SDK1: variants seen among roughly 807,000 people sequenced by gnomAD.
SDK1 encodes the protein sidekick cell adhesion molecule 1.
In SDK1, 157 loss-of-function variants were observed where a neutral mutation model predicts 245.5. The ratio of observed to expected loss-of-function variants is 0.64; its 90% CI spans 0.56 to 0.73. The LOEUF (loss-of-function observed/expected upper bound fraction) is 0.73. Ranked by LOEUF, SDK1 falls within the 30% of genes least tolerant of loss-of-function variation. The pLI is 0.00. For synonymous variants in SDK1, 1,647 were observed against 1,278.5 expected, an observed-to-expected ratio of 1.29 and a Z score of -6.15; for missense variants, 3,583 against 3,002.3, an observed-to-expected ratio of 1.19 and a Z score of -4.52.
intron 4 of SDK1, among the ~76,000 whole-genome samples, chr7:3,775,945 A>G (rs1780545344): frequency 6.6e-6 from 1 of 152,240 alleles, no homozygotes; most frequent in African/African-American, 2.4e-5. Flanking sequence ...GTTTGTGACC[A>G]GTATTTGCAC....
intron 1 of SDK1, among the ~76,000 whole-genome samples, chr7:3,513,409 C>T (rs979564496): frequency 7.9e-5 from 12 of 152,056 alleles, no homozygotes; most frequent in Non-Finnish European, 1.6e-4. Flanking sequence ...AACAAAATCC[C>T]TTAATTAAGG....
intron 1 of SDK1, among the ~76,000 whole-genome samples, chr7:3,469,404 C>T (rs1225166005): frequency 6.6e-6 from 1 of 152,134 alleles, no homozygotes; most frequent in Non-Finnish European, 1.5e-5. Context: ...GTACTCCAGC[C>T]TGGGTGACAG....
chr7:3,951,408 C>G (rs1019132281), intron 6 of SDK1, among the ~76,000 whole-genome samples: 1 of 152,208 alleles, frequency 6.6e-6, no homozygotes, highest in East Asian at 1.9e-4. Flanking sequence ...TCGGATGATC[C>G]CGCCTTCCAT....
At chr7:3,339,141 A>G (rs1336569078) in intron 1 of SDK1, among the ~76,000 whole-genome samples, 1 of 151,880 alleles carries the variant, frequency 6.6e-6, no homozygotes, top group African/African-American at 2.4e-5. Flanking sequence ...AATTTAAACA[A>G]GAGTGGCCAT....
intron 28 of SDK1, among the ~76,000 whole-genome samples, chr7:4,137,688 C>T (rs1013782734): frequency 4.6e-5 from 7 of 152,192 alleles, no homozygotes; most frequent in African/African-American, 7.2e-5. Context: ...CAGGGCTCCT[C>T]GTAAGCCGCA....
intron 1 of SDK1, among the ~76,000 whole-genome samples, chr7:3,452,260 C>T (rs1780537345): frequency 6.6e-6 from 1 of 152,126 alleles, no homozygotes; most frequent in Non-Finnish European, 1.5e-5. Flanking sequence ...TAGGATGGTG[C>T]TAGATACCCC....
At chr7:3,852,632 T>C (rs1780446076) in intron 5 of SDK1, among the ~76,000 whole-genome samples, 1 of 149,790 alleles carries the variant, frequency 6.7e-6, no homozygotes, top group South Asian at 2.1e-4. Flanking sequence ...GCACCTGTAG[T>C]CCCAGCTACT....
chr7:3,559,162 T>G (rs1185761424), intron 1 of SDK1, among the ~76,000 whole-genome samples: 1 of 152,200 alleles, frequency 6.6e-6, no homozygotes, highest in Non-Finnish European at 1.5e-5. Flanking sequence ...ATAGATATTA[T>G]ATAATATGTT....
chr7:4,224,432 A>G (rs1785307126), intron 40 of SDK1, among the ~76,000 whole-genome samples: 1 of 152,100 alleles, frequency 6.6e-6, no homozygotes, highest in Non-Finnish European at 1.5e-5. Flanking sequence ...ACCAGGTCTC[A>G]TGAGAACTCA....
intron 20 of SDK1, among the ~76,000 whole-genome samples, chr7:4,070,898 G>A (rs113490008): frequency 0.087 from 13,163 of 150,536 alleles, 1,248 homozygotes; most frequent in African/African-American, 0.23. Context: ...TTTAGTGAAG[G>A]CGGGGGTTTC....
chr7:3,933,914 G>T (rs564046016), intron 5 of SDK1, among the ~76,000 whole-genome samples: 2 of 152,122 alleles, frequency 1.3e-5, no homozygotes, highest in Non-Finnish European at 2.9e-5. Flanking sequence ...AAAGGTTGGC[G>T]CTTGGTTCTG....
intron 4 of SDK1, among the ~76,000 whole-genome samples, chr7:3,790,529 C>A (rs957882655): frequency 1.3e-5 from 2 of 152,098 alleles, no homozygotes; most frequent in African/African-American, 4.8e-5. Flanking sequence ...TAACAGTCGG[C>A]CAGGCGTGGT....
intron 35 of SDK1, 114 bp from the exon 36 acceptor site, chr7:4,205,765 C>A: frequency 1.2e-6 from 1 of 850,890 alleles, no homozygotes; most frequent in Non-Finnish European, 1.9e-6. Context: ...AAGAATCTCT[C>A]ACATGGTTCC....
At chr7:3,718,219 G>C (rs1008093879) in intron 4 of SDK1, among the ~76,000 whole-genome samples, 3 of 152,116 alleles carry the variant, frequency 2.0e-5, no homozygotes, top group African/African-American at 7.2e-5. Flanking sequence ...CCAACACTCA[G>C]CTGGTTGCGG....
At chr7:3,824,978 C>G (rs890594563) in intron 5 of SDK1, among the ~76,000 whole-genome samples, 1 of 152,130 alleles carries the variant, frequency 6.6e-6, no homozygotes, top group Non-Finnish European at 1.5e-5. Flanking sequence ...GAACTCTCCA[C>G]CCCGCTGCCC....
intron 10 of SDK1, among the ~76,000 whole-genome samples, chr7:3,968,697 G>T (rs914186925): frequency 6.6e-6 from 1 of 152,170 alleles, no homozygotes; most frequent in African/African-American, 2.4e-5. Context: ...TCTAAATATT[G>T]AGCAAGTAGG....
intron 1 of SDK1, among the ~76,000 whole-genome samples, chr7:3,416,219 T>C (rs1197068219): frequency 6.6e-6 from 1 of 152,166 alleles, no homozygotes; most frequent in Non-Finnish European, 1.5e-5. Flanking sequence ...GCTTAGGTAG[T>C]TGTAGAAAGA....
intron 1 of SDK1, among the ~76,000 whole-genome samples, chr7:3,464,872 A>G (rs1780945174): frequency 6.6e-6 from 1 of 152,130 alleles, no homozygotes. Flanking sequence ...TACATGTTAA[A>G]TTTGTCCTTG....
rs55654163 is a variant in SDK1 at position 4,138,748 on chromosome 7, CA to C, written c.4228+6337del. ...GGGCAACAATAGTGAAACTCTGTCT[CA>C]AAAAAAAAAAAGAGAGAGAAAGAAA... On this transcript the variant is annotated intron_variant, in intron 28 of 44. Coordinates refer to ENST00000404826, the MANE Select transcript of SDK1 (RefSeq NM_152744.4). 6.2e-3 allele frequency among the ~76,000 whole-genome samples: 884 copies of C among 141,670 alleles called. 11 individuals are homozygous for C. Among genetic ancestry groups the C allele is most frequent in the African/African-American group, 0.02 (775 of 37,890 alleles). The allele number at this position is 141,670 out of a possible 152,430, so 92.9% of individuals were successfully genotyped here.
Sources: gnomAD v4.1 joint callset for allele counts (sites outside exome capture counted in the v4.1 genomes callset) on GRCh38, gnomAD v4.1.1 for gene constraint, MANE v1.5 for transcripts, NCBI Gene and HGNC (gene_info 2026-07-23, HGNC 2026-07-21) for gene names.